The following ARAP1 variants were observed in gnomAD, a reference collection of about 807,000 sequenced individuals.
ARAP1 encodes ArfGAP with RhoGAP domain, ankyrin repeat and PH domain 1.
In ARAP1, 76 loss-of-function variants were observed where a neutral mutation model predicts 172.2. The ratio of observed to expected loss-of-function variants is 0.44; its 90% confidence interval spans 0.37 to 0.53. The LOEUF (loss-of-function observed/expected upper bound fraction) is 0.53, where lower values mean the gene tolerates loss of function less well. Ranked by LOEUF, ARAP1 falls within the 20% of genes least tolerant of loss-of-function variation. The pLI, the probability that ARAP1 is intolerant of heterozygous loss-of-function variation, is 0.00. For synonymous variants in ARAP1, 804 were observed against 803.3 expected (o/e 1.00, Z -0.01); for missense variants, 1,686 against 1,977.5 (o/e 0.85, Z 2.80).
rs777982107 is a variant in ARAP1, at chr11:72,695,143, G to A, written c.3577-46C>T. On this transcript the variant is annotated intron_variant, in intron 26 of 34. Coordinates refer to ENST00000393609, the MANE Select transcript of ARAP1 (RefSeq NM_001040118.3). The surrounding 1 kb of genome is among the most constrained non-coding windows in gnomAD (Gnocchi z 4.4). Reference sequence around the variant, plus strand: ...ATTAGCCTGCCTGTGCCTAGCCCCTGCTCTGCCACAACCTTGCTATGTGAC... The same window carrying A: ...ATTAGCCTGCCTGTGCCTAGCCCCTACTCTGCCACAACCTTGCTATGTGAC... 1.3e-6 allele frequency: 2 copies of A among 1,584,704 alleles called. No individual in the cohort carries two copies. Among genetic ancestry groups the A allele is most frequent in the South Asian group, 2.2e-5 (2 of 90,068 alleles).
intron 1 of ARAP1, among the ~76,000 whole-genome samples, chr11:72,746,451 C>T (rs1312257371): frequency 6.6e-6 from 1 of 152,220 alleles, no homozygotes; most frequent in East Asian, 1.9e-4. Flanking sequence ...ACGGCACATG[C>T]CCCAGCCTCA....
At chr11:72,748,934 C>T (rs1334687286) in intron 1 of ARAP1, among the ~76,000 whole-genome samples, 1 of 152,210 alleles carries the variant, frequency 6.6e-6, no homozygotes, top group Non-Finnish European at 1.5e-5. Context: ...TGTCTCCCCA[C>T]CCACCAAATC....
intron 1 of ARAP1, among the ~76,000 whole-genome samples, chr11:72,746,658 C>T (rs1032763870): frequency 7.0e-6 from 1 of 142,796 alleles, no homozygotes; most frequent in African/African-American, 2.6e-5. Context: ...AGTGGAACAG[C>T]CCCCTCCCCC....
intron 2 of ARAP1, 45 bp from the exon 3 acceptor site, chr11:72,727,217 G>T: frequency 7.0e-7 from 1 of 1,432,568 alleles, no homozygotes; most frequent in Non-Finnish European, 9.2e-7. Flanking sequence ...GGCTGCCGAG[G>T]ATTGGTCCCC....
At position 72,741,455 on chromosome 11, in the gene ARAP1, G is replaced by A. The variant is rs1247803604; in HGVS notation, c.-127-8858C>T. Among the ~76,000 whole-genome samples the A allele has an allele frequency of 1.3e-5, 2 of 152,076 alleles. No individual in the cohort carries two copies. The highest frequency in any genetic ancestry group is 2.9e-5 in the Non-Finnish European group (2 of 67,994). On this transcript the variant is annotated intron_variant, in intron 1 of 34. Transcript: ENST00000393609. The surrounding 1 kb of genome is among the most constrained non-coding windows in gnomAD (Gnocchi z 4.5). Reference sequence around the variant, plus strand: ...CCTGGGGCGCTCCCACCACCAGCAAGACAGGGCTCTGGCCTGGCTCCCTGG... The same window carrying A: ...CCTGGGGCGCTCCCACCACCAGCAAAACAGGGCTCTGGCCTGGCTCCCTGG...
rs114810666 is a variant in ARAP1 at position 72,749,405 on chromosome 11, A to G, written c.-128+2923T>C. ...TTGGTTAATATGGATAAAACTTTAC[A>G]ACAGTGCTATAGGCATGTTTGCTGA... On this transcript the variant is annotated intron_variant, in intron 1 of 34. Transcript: ENST00000393609. 3.4e-3 allele frequency among the ~76,000 whole-genome samples: 519 copies of G among 152,296 alleles called. 3 individuals are homozygous for G. Among genetic ancestry groups the G allele is most frequent in the African/African-American group, 0.012 (499 of 41,562 alleles).
At chr11:72,716,687 CTA>C (rs1458616232) in intron 3 of ARAP1, among the ~76,000 whole-genome samples, 4 of 152,244 alleles carry the variant, frequency 2.6e-5, no homozygotes, top group African/African-American at 9.6e-5. Flanking sequence ...GGATGGCTCC[CTA>C]TGAGTCACTA....
chr11:72,720,281 C>T (rs181478877), intron 3 of ARAP1, among the ~76,000 whole-genome samples: 1 of 152,192 alleles, frequency 6.6e-6, no homozygotes, highest in East Asian at 1.9e-4. Flanking sequence ...CTCAGGGGCC[C>T]GGGCCTCAGT....
At chr11:72,745,167 A>G (rs1424927776) in intron 1 of ARAP1, among the ~76,000 whole-genome samples, 1 of 149,000 alleles carries the variant, frequency 6.7e-6, no homozygotes, top group African/African-American at 2.5e-5. Context: ...CCCACACAGC[A>G]GCCCAAGTTT....
Position 72,714,300 on chromosome 11 carries a change from C to G in ARAP1, c.531G>C (p.Glu177Asp). 6.5e-7 allele frequency: 1 copy of G among 1,547,608 alleles called. No individual in the cohort carries two copies. Among genetic ancestry groups the G allele is most frequent in the Non-Finnish European group, 8.7e-7 (1 of 1,145,664 alleles). Residue 177 changes from glutamate to aspartate, a missense_variant, in exon 4 of 35, where the codon GAG becomes GAC. Transcript: ENST00000393609. ...GGGATGATAATGATGGCAGCAATGA[C>G]TCCTCCTCCTTAGTGGGCAGGCTGG... ...LLVSLPTKEE[E>D]SLLPSLSSPP... is the part of the protein sequence containing the mutation.
intron 1 of ARAP1, among the ~76,000 whole-genome samples, chr11:72,742,752 T>C (rs904147117): frequency 4.6e-5 from 7 of 152,174 alleles, no homozygotes; most frequent in Non-Finnish European, 8.8e-5. Context: ...AGTTTCCTCA[T>C]CTGTGTAATG....
rs1334088036 is a variant in ARAP1, at chr11:72,699,431, A to AG, written c.2423dup (p.Pro809SerfsTer2). On this transcript the variant is annotated frameshift_variant, in exon 17 of 35. Coordinates refer to ENST00000393609, the MANE Select transcript of ARAP1 (RefSeq NM_001040118.3). LOFTEE classifies it high-confidence loss of function. The surrounding 1 kb of genome is among the most constrained non-coding windows in gnomAD (Gnocchi z 4.2). ...GGAGTACTCACCCATGGGTGTCAGG[A>AG]GGGGGCACTGCCAGGCACACAATCT... 6.2e-7 allele frequency: 1 copy of AG among 1,613,938 alleles called. No individual in the cohort carries two copies. The highest frequency in any genetic ancestry group is 8.5e-7 in the Non-Finnish European group (1 of 1,180,016).
At position 72,697,500 on chromosome 11, in the gene ARAP1, A is replaced by C; in HGVS notation, c.2790-14T>G. On this transcript the variant is annotated splice_polypyrimidine_tract_variant and intron_variant, in intron 20 of 34. Coordinates refer to ENST00000393609, the MANE Select transcript of ARAP1 (RefSeq NM_001040118.3). Reference sequence around the variant, plus strand: ...ATGTACAGTGTCCTGGGCCAGGGACAGTCAGTCACTGAGGGGCCTACACCT... The same window carrying C: ...ATGTACAGTGTCCTGGGCCAGGGACCGTCAGTCACTGAGGGGCCTACACCT... 1.2e-6 allele frequency: 2 copies of C among 1,612,318 alleles called. No individual in the cohort carries two copies. The highest frequency in any genetic ancestry group is 2.2e-5 in the South Asian group (2 of 91,002).
At chr11:72,711,544 G>T in intron 7 of ARAP1, 45 bp from the exon 8 acceptor site, 2 of 1,555,374 alleles carry the variant, frequency 1.3e-6, no homozygotes, top group Non-Finnish European at 1.8e-6. Flanking sequence ...GGGGTAGGAG[G>T]ACAGGTTCCA....
rs1391104201 is a variant in ARAP1, at chr11:72,712,334, C to T, written c.884G>A (p.Gly295Glu). 4.5e-6 allele frequency: 7 copies of T among 1,551,408 alleles called. No homozygotes were observed. The highest frequency in any genetic ancestry group is 2.4e-5 in the South Asian group (2 of 82,124). ...CAAGCTCAGGCTGCTGGTATGCCAT[C>T]CGCCACTAGCGAGAGATGAGGGGAT... The part of the protein sequence containing the change: ...DHAYEGVPNG[G>E]WHTSSLSLSL... Residue 295 changes from glycine (G) to glutamate (E), a missense_variant, in exon 7 of 35, where the codon GGA (glycine) becomes GAA (glutamate). Physicochemically the swap from Gly to Glu is moderately conservative, Grantham distance 98. Coordinates refer to ENST00000393609, the MANE Select transcript of ARAP1 (RefSeq NM_001040118.3).
intron 11 of ARAP1, 139 bp from the exon 12 acceptor site, chr11:72,707,513 G>A (rs1856823803): frequency 1.3e-6 from 1 of 745,520 alleles, no homozygotes; most frequent in Non-Finnish European, 2.1e-6. Context: ...ACTCTGGTAG[G>A]GAAGGTAGGT....
At chr11:72,689,769 G>T (rs542561891) in intron 30 of ARAP1, among the ~76,000 whole-genome samples, 6 of 152,334 alleles carry the variant, frequency 3.9e-5, no homozygotes, top group African/African-American at 1.4e-4. Context: ...ATGGCCATGT[G>T]CCCAGGAGGG....
rs1374789255 is a variant in ARAP1 at position 72,699,410 on chromosome 11, T to G, written c.2438+7A>C. 6.2e-7 allele frequency: 1 copy of G among 1,613,856 alleles called. No individual in the cohort carries two copies. The highest frequency in any genetic ancestry group is 1.7e-5 in the Admixed American group (1 of 60,014). On this transcript the variant is annotated splice_region_variant and intron_variant, in intron 17 of 34. Coordinates refer to ENST00000393609, the MANE Select transcript of ARAP1 (RefSeq NM_001040118.3). This position sits in a 1 kb window ranked among gnomAD's most constrained non-coding sequence, Gnocchi z 4.2. ...AACCACAGTCTGATTTGCCCAGGAG[T>G]ACTCACCCATGGGTGTCAGGAGGGG...
At chr11:72,746,780 C>T (rs1858381213) in intron 1 of ARAP1, among the ~76,000 whole-genome samples, 3 of 152,276 alleles carry the variant, frequency 2.0e-5, no homozygotes, top group Admixed American at 6.5e-5. Flanking sequence ...TACTGCCCCT[C>T]CCTGAAGCTC....
Sources: allele counts gnomAD v4.1 joint callset (sites outside exome capture counted in the v4.1 genomes callset), GRCh38; gene constraint gnomAD v4.1.1; non-coding constraint Gnocchi (gnomAD v3.1); transcripts MANE v1.5; gene names NCBI Gene and HGNC (gene_info 2026-07-23, HGNC 2026-07-21).